SEPTIN8: variants seen among roughly 807,000 people sequenced by gnomAD.
The protein encoded by SEPTIN8 is septin-8.
In SEPTIN8, 22 loss-of-function variants were observed where a neutral mutation model predicts 53.1. That is an observed-to-expected ratio of 0.41 (90% confidence interval 0.30 to 0.59). The LOEUF is 0.59. SEPTIN8 is among the 20% of genes least tolerant of loss of function. SEPTIN8 has a pLI of 0.24. For missense variants in SEPTIN8, 536 were observed against 638.7 expected, an observed-to-expected ratio of 0.84 and a Z score of 1.73; for synonymous variants, 228 against 248.4, an observed-to-expected ratio of 0.92 and a Z score of 0.77.
At chr5:132,780,020 G>T (rs1327952266), upstream of SEPTIN8, among the ~76,000 whole-genome samples, 1 of 152,186 alleles carries the variant, frequency 6.6e-6, no homozygotes, top group African/African-American at 2.4e-5. Flanking sequence ...GGCCTTACGT[G>T]GTCTTGCTCT....
In SEPTIN8 at chr5:132,751,930, GTT is replaced by G; in HGVS notation, c.*84_*85del. ...ATCATTGATATAGGAAAAGTATGGC[GTT>G]TTCTGTTCTAACATTAAAAACCATG... On this transcript the variant is annotated 3_prime_UTR_variant, in exon 10 of 10. Transcript: ENST00000378719. 1 of 1,569,634 alleles carries G rather than the reference GTT, an allele frequency of 6.4e-7. No individual in the cohort carries two copies. Among genetic ancestry groups the G allele is most frequent in the Non-Finnish European group, 8.7e-7 (1 of 1,155,884 alleles).
rs1199862312 is a variant in SEPTIN8, at chr5:132,761,475, A to G, written c.945T>C (p.Gly315=). ...LEEMGFQDSD[G]DSQPFSLQET... Reference sequence around the variant, plus strand: ...GCTGTCACCTGAAGGGCTGGCTGTCACCATCGCTGTCCTGAAAGCCCATCT... The same window carrying G: ...GCTGTCACCTGAAGGGCTGGCTGTCGCCATCGCTGTCCTGAAAGCCCATCT... Residue 315 remains glycine, a synonymous_variant, in exon 7 of 10, where the codon GGT becomes GGC. Coordinates refer to ENST00000378719, the MANE Select transcript of SEPTIN8 (RefSeq NM_001098811.2). This position sits in a 1 kb window ranked among gnomAD's most constrained non-coding sequence, Gnocchi z 5.8. 2 of 1,612,028 alleles carry G rather than the reference A, an allele frequency of 1.2e-6. No individual in the cohort carries two copies. The highest frequency in any genetic ancestry group is 1.3e-5 in the African/African-American group (1 of 74,876).
intron 1 of SEPTIN8, among the ~76,000 whole-genome samples, chr5:132,767,284 T>C (rs113376154): frequency 3.5e-4 from 54 of 152,188 alleles, no homozygotes; most frequent in African/African-American, 1.3e-3. Flanking sequence ...CTGGGTCAGG[T>C]CCAAAGCCCT....
Position 132,751,721 on chromosome 5 carries a change from T to G in SEPTIN8, c.*295A>C. ...TGGAAACATTGTCATCTAGGTACTT[T>G]CCGCTCATAACGATGATGTCACAAA... On this transcript the variant is annotated 3_prime_UTR_variant, in exon 10 of 10. Coordinates refer to ENST00000378719, the MANE Select transcript of SEPTIN8 (RefSeq NM_001098811.2). 1.7e-6 allele frequency: 1 copy of G among 579,058 alleles called. No individual in the cohort carries two copies. Among genetic ancestry groups the G allele is most frequent in the East Asian group, 2.9e-5 (1 of 34,770 alleles). The allele number at this position is 579,058 out of a possible 1,614,324, so 35.9% of individuals were successfully genotyped here. A position where few individuals can be genotyped will look rare whatever the true frequency, so the allele number is the denominator to read the frequency against.
chr5:132,772,551 A>G (rs369108692), intron 1 of SEPTIN8, among the ~76,000 whole-genome samples: 21 of 152,324 alleles, frequency 1.4e-4, no homozygotes, highest in Admixed American at 1.3e-3. Context: ...TGGTCTGGGT[A>G]TCACTGGCAG....
intron 9 of SEPTIN8, chr5:132,758,744 G>T: frequency 6.2e-7 from 1 of 1,613,520 alleles, no homozygotes; most frequent in South Asian, 1.1e-5. Flanking sequence ...ATGGGAGAAG[G>T]GTCACAAGGT....
intron 1 of SEPTIN8, among the ~76,000 whole-genome samples, chr5:132,770,008 T>TATACAC (rs1554115482): frequency 1.1e-3 from 55 of 52,214 alleles, no homozygotes; most frequent in African/African-American, 4.0e-3. Flanking sequence ...TATATATATA[T>TATACAC]ATATATATAT....
chr5:132,757,811 T>C (rs1477738963), intron 9 of SEPTIN8: 13 of 985,348 alleles, frequency 1.3e-5, no homozygotes, highest in African/African-American at 1.7e-5. Context: ...GGAAAGCTCC[T>C]TTGCCGCTCA....
At chr5:132,759,620 C>T (rs1755685629) in intron 9 of SEPTIN8, among the ~76,000 whole-genome samples, 1 of 152,202 alleles carries the variant, frequency 6.6e-6, no homozygotes, top group Non-Finnish European at 1.5e-5. Context: ...GGCTAGGCTC[C>T]ATTGCCACCA....
At chr5:132,755,920 AT>A in intron 9 of SEPTIN8, 2 of 961,056 alleles carry the variant, frequency 2.1e-6, no homozygotes, top group Non-Finnish European at 2.5e-6. Flanking sequence ...GACAAGCTGT[AT>A]TTTACCACAG....
At chr5:132,759,830 G>C (rs536182078) in intron 9 of SEPTIN8, among the ~76,000 whole-genome samples, 1 of 152,178 alleles carries the variant, frequency 6.6e-6, no homozygotes, top group African/African-American at 2.4e-5. Context: ...GAATGAGGTG[G>C]GTGGGCGAGG....
At chr5:132,753,544 T>C (rs910100645) in intron 9 of SEPTIN8, 1 of 153,642 alleles carries the variant, frequency 6.5e-6, no homozygotes, top group East Asian at 1.9e-4. Flanking sequence ...ATGTCTTCCC[T>C]TTACAAGGAC....
Position 132,754,276 on chromosome 5 carries a change from C to T in SEPTIN8, c.1287-2095G>A, listed in dbSNP as rs999353399. 4.7e-6 allele frequency: 3 copies of T among 644,060 alleles called. No individual in the cohort carries two copies. The African/African-American group carries it at 5.4e-5, about 12-fold the overall frequency. The allele number at this position is 644,060 out of a possible 1,614,324, so 39.9% of individuals were successfully genotyped here. On this transcript the variant is annotated intron_variant, in intron 9 of 9. Transcript: ENST00000378719. ...CAAGAACTCTCCTCTAGTCCAGAAC[C>T]CATTTTACAGATGGAGATGCTGAGG...
chr5:132,761,559 G>A lies in SEPTIN8; in HGVS notation c.861C>T (p.Asp287=). The A allele has an allele frequency of 6.2e-7, 1 of 1,613,994 alleles. No homozygotes were observed. The highest frequency in any genetic ancestry group is 8.5e-7 in the Non-Finnish European group (1 of 1,180,002). The change falls in exon 7 of 10, where the codon GAC becomes GAT. Residue 287 remains aspartate (D), a synonymous_variant. Coordinates refer to ENST00000378719, the MANE Select transcript of SEPTIN8 (RefSeq NM_001098811.2). The surrounding 1 kb of genome is among the most constrained non-coding windows in gnomAD (Gnocchi z 5.8). ...GCCGGCTGTGGGTCTGCTCGCGGAG[G>A]TCTTCCATGTTCACCCGGATCAACA... ...REMLIRVNME[D]LREQTHSRHY...
chr5:132,751,953 C>A lies in SEPTIN8; in HGVS notation c.*63G>T, dbSNP rs1324292764. The A allele has an allele frequency of 6.3e-7, 1 of 1,599,038 alleles. No homozygotes were observed. The highest frequency in any genetic ancestry group is 8.5e-7 in the Non-Finnish European group (1 of 1,172,322). ...GCGTTTTCTGTTCTAACATTAAAAA[C>A]CATGGTCTCCAGTTCCATGCCCTGG... is the stretch of plus-strand genomic sequence containing the variant. On this transcript the variant is annotated 3_prime_UTR_variant, in exon 10 of 10. Transcript: ENST00000378719.
At chr5:132,753,962 T>G (rs1044108950) in intron 9 of SEPTIN8, 2 of 149,146 alleles carry the variant, frequency 1.3e-5, no homozygotes, top group Non-Finnish European at 1.5e-5. Context: ...TATGGTTTTT[T>G]TTTTTTTTTT....
intron 9 of SEPTIN8, chr5:132,754,427 C>A (rs1445630398): frequency 2.8e-6 from 2 of 717,388 alleles, no homozygotes; most frequent in Middle Eastern, 2.3e-4. Context: ...TTTAGGCATC[C>A]CAGGCTTTAG....
chr5:132,776,547 G>A lies in SEPTIN8; in HGVS notation c.30+561C>T, dbSNP rs1757812521. Among the ~76,000 whole-genome samples, 1 of 152,196 alleles carries A rather than the reference G, an allele frequency of 6.6e-6. No homozygotes were observed. Among genetic ancestry groups the A allele is most frequent in the African/African-American group, 2.4e-5 (1 of 41,462 alleles). ...CCTGACCTGCCTGGAGTCGCACCCA[G>A]GATTCCGGCGTGGGGAGCGGGGCAG... On this transcript the variant is annotated intron_variant, in intron 1 of 9. Coordinates refer to ENST00000378719, the MANE Select transcript of SEPTIN8 (RefSeq NM_001098811.2). This position sits in a 1 kb window ranked among gnomAD's most constrained non-coding sequence, Gnocchi z 4.4.
chr5:132,765,525 G>C lies in SEPTIN8; in HGVS notation c.35C>G (p.Ala12Gly), dbSNP rs748176874. The C allele has an allele frequency of 6.3e-7, 1 of 1,594,260 alleles. No individual in the cohort carries two copies. The highest frequency in any genetic ancestry group is 2.2e-5 in the East Asian group (1 of 44,524). Residue 12 changes from alanine to glycine, a missense_variant, in exon 2 of 10, where the codon GCA (alanine) becomes GGA (glycine). Around this residue, in one of 3 missense-constraint regions of SEPTIN8, gnomAD observed 395 missense variants for 451.8 expected, o/e 0.87. Transcript: ENST00000378719. ...AATDLERFSN[A>G]EPEPRSLSLG... ...GGAGAGGCTCCGGGGCTCTGGCTCT[G>C]CATTCTGCCAAGAGAGAAATAAAGC...
Sources: gnomAD v4.1 joint callset for allele counts (sites outside exome capture counted in the v4.1 genomes callset) on GRCh38, gnomAD v4.1.1 for gene constraint, gnomAD v4.1.1 regional missense constraint, Gnocchi (gnomAD v3.1) non-coding constraint, MANE v1.5 for transcripts, NCBI Gene and HGNC (gene_info 2026-07-23, HGNC 2026-07-21) for gene names.